The following GLG1 variants were observed in gnomAD, a reference collection of about 807,000 sequenced individuals.
GLG1 encodes the protein Golgi apparatus protein 1.
A neutral mutation model predicts 160.5 loss-of-function variants in GLG1; 38 were observed. The observed-to-expected ratio is 0.24, with a 90% CI of 0.18 to 0.31. GLG1 has a LOEUF of 0.31. Among genes scored for constraint, GLG1 ranks in the 10% least tolerant of loss-of-function variants. GLG1 has a pLI of 1.00. For synonymous variants in GLG1, 644 were observed against 543.4 expected (o/e 1.19, Z -2.57); for missense variants, 1,373 against 1,505.2 (o/e 0.91, Z 1.45).
intron 1 of GLG1, among the ~76,000 whole-genome samples, chr16:74,592,349 G>T (rs1307406697): frequency 6.6e-6 from 1 of 152,032 alleles, no homozygotes; most frequent in Non-Finnish European, 1.5e-5. Flanking sequence ...CCCCCATGTT[G>T]CCCAGGCTGT....
rs534633500 is a variant in GLG1 at position 74,505,933 on chromosome 16, G to A, written c.559-2187C>T. Among the ~76,000 whole-genome samples, 3 of 151,602 alleles carry A rather than the reference G, an allele frequency of 2.0e-5. No individual in the cohort carries two copies. In the South Asian group the frequency reaches 6.3e-4, roughly 32 times the overall value. On this transcript the variant is annotated intron_variant, in intron 3 of 25. Transcript: ENST00000422840. ...TAGTCCCAGCTACTTGGGAGGCTGA[G>A]GCAGGAGAATTGCTTGAACCCAGGA...
At chr16:74,472,572 T>C (rs1174991711) in intron 13 of GLG1, 161 bp from the exon 14 acceptor site, 3 of 1,500,794 alleles carry the variant, frequency 2.0e-6, no homozygotes, top group East Asian at 5.0e-5. Flanking sequence ...CCAGAATAAA[T>C]ATAGAACTGC....
chr16:74,578,944 T>C (rs1327444890), intron 1 of GLG1, among the ~76,000 whole-genome samples: 1 of 152,232 alleles, frequency 6.6e-6, no homozygotes, highest in African/African-American at 2.4e-5. Context: ...CTGAGAATTC[T>C]GCATTTATGT....
At chr16:74,543,134 T>G (rs1485924626) in intron 1 of GLG1, among the ~76,000 whole-genome samples, 2 of 152,028 alleles carry the variant, frequency 1.3e-5, no homozygotes, top group African/African-American at 4.8e-5. Flanking sequence ...TGTGCTGAAC[T>G]CTTTCTGTAT....
intron 1 of GLG1, among the ~76,000 whole-genome samples, chr16:74,558,437 C>T (rs1248760826): frequency 6.6e-6 from 1 of 152,144 alleles, no homozygotes; most frequent in Non-Finnish European, 1.5e-5. Context: ...AATGTTTGAA[C>T]TGTATTACTG....
At position 74,606,767 on chromosome 16, in the gene GLG1, A is replaced by G. The variant is rs780337684; in HGVS notation, c.328T>C (p.Trp110Arg). 24 of 1,610,310 alleles carry G rather than the reference A, an allele frequency of 1.5e-5. No homozygotes were observed. Among genetic ancestry groups the G allele is most frequent in the African/African-American group, 2.7e-5 (2 of 74,798 alleles). The change falls in exon 1 of 26, where the codon TGG becomes CGG. Residue 110 changes from tryptophan (W) to arginine (R), a missense_variant. By Grantham distance (101) the Trp-to-Arg change is moderately radical. Around this residue, in one of 4 missense-constraint regions of GLG1, gnomAD observed 322 missense variants for 254.6 expected, o/e 1.26. Transcript: ENST00000422840. Reference protein sequence around the residue: ...RRGGAGAGGGWKLAEEESCRE... With the variant: ...RRGGAGAGGGRKLAEEESCRE... ...CAGGACTCTTCCTCCGCCAGCTTCCAGCCCCCACCAGCCCCCGCTCCTCCC... is the reference window on the plus strand; with the variant it reads ...CAGGACTCTTCCTCCGCCAGCTTCCGGCCCCCACCAGCCCCCGCTCCTCCC...
chr16:74,461,029 G>C (rs1189871431), intron 22 of GLG1, among the ~76,000 whole-genome samples: 1 of 152,222 alleles, frequency 6.6e-6, no homozygotes, highest in East Asian at 1.9e-4. Context: ...AGTTTTATGA[G>C]TGAGCTTTTT....
At chr16:74,538,449 C>T (rs1420383910) in intron 1 of GLG1, among the ~76,000 whole-genome samples, 1 of 152,178 alleles carries the variant, frequency 6.6e-6, no homozygotes, top group Non-Finnish European at 1.5e-5. Context: ...CCGGGAAACT[C>T]TCCTGAGCAA....
chr16:74,542,761 GGAAGGAAGGAA>G (rs1567514105), intron 1 of GLG1, among the ~76,000 whole-genome samples: 5 of 52,686 alleles, frequency 9.5e-5, no homozygotes, highest in Non-Finnish European at 2.2e-4. Flanking sequence ...AAGGAAGGAA[GGAAGGAAGGAA>G]GGAAGGAAGG....
chr16:74,558,296 T>TG (rs1010001680), intron 1 of GLG1, among the ~76,000 whole-genome samples: 60 of 152,180 alleles, frequency 3.9e-4, no homozygotes, highest in African/African-American at 1.3e-3. Context: ...TTATTGGATT[T>TG]GGGGGAAAAT....
At chr16:74,568,088 G>C (rs1198745424) in intron 1 of GLG1, among the ~76,000 whole-genome samples, 3 of 152,174 alleles carry the variant, frequency 2.0e-5, no homozygotes, top group African/African-American at 7.2e-5. Context: ...ATAATGCTGG[G>C]ACACATGGAG....
intron 2 of GLG1, among the ~76,000 whole-genome samples, chr16:74,531,893 G>A (rs1377426448): frequency 6.6e-6 from 1 of 152,178 alleles, no homozygotes; most frequent in East Asian, 1.9e-4. Flanking sequence ...CATGGTAGCT[G>A]TAACTGAAGA....
chr16:74,454,148 C>T (rs760180520), intron 25 of GLG1, among the ~76,000 whole-genome samples: 112 of 151,760 alleles, frequency 7.4e-4, no homozygotes, highest in Non-Finnish European at 1.1e-3. Context: ...GCTGGGATTA[C>T]AGGCATGAGC....
intron 1 of GLG1, among the ~76,000 whole-genome samples, chr16:74,594,199 G>T (rs956929575): frequency 6.6e-6 from 1 of 152,110 alleles, no homozygotes; most frequent in Non-Finnish European, 1.5e-5. Flanking sequence ...GAGCCACTGC[G>T]CCCAGCCTAT....
At chr16:74,572,136 A>C (rs2018845290) in intron 1 of GLG1, among the ~76,000 whole-genome samples, 1 of 152,146 alleles carries the variant, frequency 6.6e-6, no homozygotes, top group African/African-American at 2.4e-5. Context: ...GCCCACCCCC[A>C]ATCTCCAGGG....
At chr16:74,466,460 T>C (rs950050950) in intron 18 of GLG1, among the ~76,000 whole-genome samples, 1 of 152,138 alleles carries the variant, frequency 6.6e-6, no homozygotes, top group Non-Finnish European at 1.5e-5. Flanking sequence ...GATGGGAAGG[T>C]GCAGCAGCTG....
intron 23 of GLG1, 117 bp from the exon 24 acceptor site, chr16:74,458,111 A>T (rs2014634636): frequency 1.0e-6 from 1 of 991,222 alleles, no homozygotes; most frequent in South Asian, 1.5e-5. Context: ...CTAACAACAG[A>T]GACCACTTTG....
At chr16:74,584,610 T>A (rs1958006033) in intron 1 of GLG1, among the ~76,000 whole-genome samples, 2 of 151,644 alleles carry the variant, frequency 1.3e-5, no homozygotes, top group African/African-American at 2.4e-5. Flanking sequence ...GGGAAGCGGT[T>A]GAGGAATAAA....
intron 12 of GLG1, among the ~76,000 whole-genome samples, chr16:74,475,911 G>T (rs1275310930): frequency 1.3e-5 from 2 of 152,192 alleles, no homozygotes; most frequent in African/African-American, 4.8e-5. Flanking sequence ...GCTGGTCTCA[G>T]TGGCTCACAC....
Sources: gnomAD v4.1 joint callset for allele counts (sites outside exome capture counted in the v4.1 genomes callset) on GRCh38, gnomAD v4.1.1 for gene constraint, gnomAD v4.1.1 regional missense constraint, MANE v1.5 for transcripts, NCBI Gene and HGNC (gene_info 2026-07-23, HGNC 2026-07-21) for gene names.